GPC6: variants seen among roughly 807,000 people sequenced by gnomAD.
GPC6 encodes the protein glypican 6, also known as glypican-6.
In GPC6, 14 loss-of-function variants were observed where a neutral mutation model predicts 55.2. That is an observed-to-expected ratio of 0.25 (90% CI 0.17 to 0.40). The LOEUF is 0.40. GPC6 is among the 10% of genes least tolerant of loss of function. GPC6 has a pLI of 1.00. For missense variants in GPC6, 641 were observed against 708.5 expected (o/e 0.90, Z 1.08); for synonymous variants, 278 against 259.6 (o/e 1.07, Z -0.68).
chr13:93,537,836 A>G (rs989459279), intron 1 of GPC6, among the ~76,000 whole-genome samples: 1 of 152,154 alleles, frequency 6.6e-6, no homozygotes, highest in Admixed American at 6.6e-5. Flanking sequence ...TCAAATTACA[A>G]TGTCACCTTT....
At chr13:93,840,591 C>G (rs1288919053) in intron 3 of GPC6, among the ~76,000 whole-genome samples, 1 of 152,142 alleles carries the variant, frequency 6.6e-6, no homozygotes, top group African/African-American at 2.4e-5. Context: ...TTCAGCTCCT[C>G]TTTACCTATT....
intron 3 of GPC6, among the ~76,000 whole-genome samples, chr13:93,852,992 A>G (rs1210332330): frequency 5.3e-5 from 8 of 151,720 alleles, no homozygotes; most frequent in Admixed American, 5.3e-4. Flanking sequence ...AGGGGATAAA[A>G]TGGTAATTAA....
At chr13:93,710,782 G>GT (rs1478294403) in intron 2 of GPC6, among the ~76,000 whole-genome samples, 8 of 150,636 alleles carry the variant, frequency 5.3e-5, no homozygotes, top group African/African-American at 2.0e-4. Flanking sequence ...ATAATTTTAA[G>GT]TAATAGCCTC....
intron 4 of GPC6, among the ~76,000 whole-genome samples, chr13:94,110,429 G>C (rs1450149278): frequency 2.0e-5 from 3 of 152,046 alleles, no homozygotes; most frequent in Admixed American, 2.0e-4. Flanking sequence ...AGAGTAGAGG[G>C]TGGAGGACTG....
At chr13:93,920,338 C>A (rs1004043924) in intron 3 of GPC6, among the ~76,000 whole-genome samples, 2 of 152,102 alleles carry the variant, frequency 1.3e-5, no homozygotes, top group East Asian at 3.9e-4. Flanking sequence ...GTAGTCTCAT[C>A]CAGTTTCTGT....
intron 1 of GPC6, among the ~76,000 whole-genome samples, chr13:93,521,305 C>CT (rs879745737): frequency 1.0e-4 from 15 of 149,950 alleles, no homozygotes; most frequent in Non-Finnish European, 1.5e-4. Context: ...CTTTTCTTTT[C>CT]TTTTTTTTTA....
chr13:93,336,758 C>T (rs534020743), intron 1 of GPC6, among the ~76,000 whole-genome samples: 31 of 151,928 alleles, frequency 2.0e-4, no homozygotes, highest in Non-Finnish European at 2.8e-4. Context: ...CAATTAATAC[C>T]GATGACTTGC....
intron 4 of GPC6, among the ~76,000 whole-genome samples, chr13:94,083,862 G>C (rs1027642882): frequency 1.9e-4 from 29 of 152,180 alleles, no homozygotes; most frequent in African/African-American, 7.0e-4. Context: ...AGATATGAAT[G>C]TCTTTCTACC....
chr13:93,922,481 A>G (rs1484387349), intron 3 of GPC6, among the ~76,000 whole-genome samples: 2 of 152,080 alleles, frequency 1.3e-5, no homozygotes, highest in Non-Finnish European at 2.9e-5. Flanking sequence ...CAAACTTGGC[A>G]CTGTTGTCAT....
In GPC6 at chr13:94,233,783, T is replaced by C. The variant is rs1189943028; in HGVS notation, c.878-52566T>C. On this transcript the variant is annotated intron_variant, in intron 4 of 8. Transcript: ENST00000377047. ...TTATTGTTATAATTGTTGTATTTTA[T>C]TCTTAGTTCTTGTTGTTAATCTCTT... Among the ~76,000 whole-genome samples the C allele has an allele frequency of 2.0e-5, 3 of 152,294 alleles. No homozygotes were observed. In the East Asian group the frequency reaches 5.8e-4, roughly 29 times the overall value.
intron 3 of GPC6, among the ~76,000 whole-genome samples, chr13:93,987,245 T>C (rs1427115202): frequency 6.6e-6 from 1 of 152,200 alleles, no homozygotes; most frequent in Admixed American, 6.5e-5. Flanking sequence ...CAGAACATTG[T>C]TGGAACATGG....
chr13:94,222,236 A>G (rs1044598158), intron 4 of GPC6, among the ~76,000 whole-genome samples: 2 of 152,104 alleles, frequency 1.3e-5, no homozygotes, highest in South Asian at 4.1e-4. Context: ...ATTGAGTGAT[A>G]AAAGATTGTT....
At chr13:94,331,255 G>C (rs1234302672) in intron 6 of GPC6, among the ~76,000 whole-genome samples, 1 of 152,108 alleles carries the variant, frequency 6.6e-6, no homozygotes, top group African/African-American at 2.4e-5. Flanking sequence ...CATTCATTTA[G>C]ATATTGTCTA....
chr13:93,373,615 A>C (rs930722578), intron 1 of GPC6, among the ~76,000 whole-genome samples: 3 of 152,170 alleles, frequency 2.0e-5, no homozygotes, highest in African/African-American at 7.2e-5. Context: ...GTCTGTGGTG[A>C]TACTCTGTAA....
intron 6 of GPC6, among the ~76,000 whole-genome samples, chr13:94,332,517 T>C (rs1302804333): frequency 1.3e-5 from 2 of 152,246 alleles, no homozygotes; most frequent in African/African-American, 4.8e-5. Context: ...TCTCTGTACA[T>C]AGTTTTTGTT....
At chr13:94,193,789 T>A (rs1340961014) in intron 4 of GPC6, among the ~76,000 whole-genome samples, 1 of 152,202 alleles carries the variant, frequency 6.6e-6, no homozygotes, top group East Asian at 1.9e-4. Context: ...ATCTCTTTCA[T>A]GGTTTTCAGC....
chr13:94,404,527 G>C lies in GPC6; in HGVS notation c.*1310G>C, dbSNP rs1270108691. On this transcript the variant is annotated 3_prime_UTR_variant, in exon 9 of 9. Transcript: ENST00000377047. ...TTCCTCAGTGATCGGTGAGCACCAA[G>C]AATCAAGAAAGAGAACTTTTTATGT... The C allele has an allele frequency of 6.6e-6, 1 of 152,168 alleles. No homozygotes were observed. The highest frequency in any genetic ancestry group is 1.5e-5 in the Non-Finnish European group (1 of 68,018). 9.4% of individuals were successfully genotyped at this position (152,168 alleles called of 1,614,324 possible). A position where few individuals can be genotyped will look rare whatever the true frequency, so the allele number is the denominator to read the frequency against.
chr13:93,298,314 A>T (rs1369859810), intron 1 of GPC6, among the ~76,000 whole-genome samples: 1 of 152,210 alleles, frequency 6.6e-6, no homozygotes, highest in African/African-American at 2.4e-5. Context: ...TCAGTTTAAT[A>T]GTCATAGATT....
intron 1 of GPC6, among the ~76,000 whole-genome samples, chr13:93,358,326 TAAGACCTTGTCTCA>T (rs1249016563): frequency 1.3e-5 from 2 of 152,132 alleles, no homozygotes; most frequent in East Asian, 3.9e-4. Flanking sequence ...GGCGACAGAG[TAAGACCTTGTCTCA>T]AAGACAAAAA....
Sources: gnomAD v4.1 joint callset for allele counts (sites outside exome capture counted in the v4.1 genomes callset) on GRCh38, gnomAD v4.1.1 for gene constraint, MANE v1.5 for transcripts, NCBI Gene and HGNC (gene_info 2026-07-23, HGNC 2026-07-21) for gene names.